TOP1: variants seen among roughly 807,000 people sequenced by gnomAD.
TOP1 encodes the protein DNA topoisomerase 1.
A neutral mutation model predicts 111.1 loss-of-function variants in TOP1; 10 were observed. The observed-to-expected ratio is 0.09, with a 90% CI of 0.06 to 0.15. TOP1 has a LOEUF of 0.15. TOP1 is among the 10% of genes least tolerant of loss of function. TOP1 has a pLI of 1.00. For synonymous variants in TOP1, 271 were observed against 302.9 expected (o/e 0.89, Z 1.10); for missense variants, 474 against 926.7 (o/e 0.51, Z 6.34).
At position 41,101,361 on chromosome 20, in the gene TOP1, G is replaced by A; in HGVS notation, c.1308+8G>A. 1 of 1,613,684 alleles carries A rather than the reference G, an allele frequency of 6.2e-7. No individual in the cohort carries two copies. Among genetic ancestry groups the A allele is most frequent in the East Asian group, 2.2e-5 (1 of 44,856 alleles). ...CCTAGTTCACGAATCAAGGTAAGGG[G>A]ATAGTTGAGAGCTGCACTGGTTCAT... On this transcript the variant is annotated splice_region_variant and intron_variant, in intron 13 of 20. Transcript: ENST00000361337. The surrounding 1 kb of genome is among the most constrained non-coding windows in gnomAD (Gnocchi z 4.1).
Position 41,069,669 on chromosome 20 carries a change from G to C in TOP1, c.156-6502G>C, listed in dbSNP as rs2145931207. Reference sequence around the variant, plus strand: ...ATGATGATAATTACCGCAAAGCCTAGTATAATATCATGCAGATAAATTGGA... The same window carrying C: ...ATGATGATAATTACCGCAAAGCCTACTATAATATCATGCAGATAAATTGGA... On this transcript the variant is annotated intron_variant, in intron 3 of 20. Transcript: ENST00000361337. This position sits in a 1 kb window ranked among gnomAD's most constrained non-coding sequence, Gnocchi z 4.1. Among the ~76,000 whole-genome samples the C allele has an allele frequency of 6.6e-6, 1 of 152,332 alleles. No individual in the cohort carries two copies. Among genetic ancestry groups the C allele is most frequent in the Non-Finnish European group, 1.5e-5 (1 of 68,036 alleles).
chr20:41,100,390 G>A lies in TOP1; in HGVS notation c.1163+147G>A, dbSNP rs779335046. 6 of 606,012 alleles carry A rather than the reference G, an allele frequency of 9.9e-6. No homozygotes were observed. Among genetic ancestry groups the A allele is most frequent in the Non-Finnish European group, 1.1e-5 (4 of 367,780 alleles). 37.5% of individuals were successfully genotyped at this position (606,012 alleles called of 1,614,324 possible). On this transcript the variant is annotated intron_variant, in intron 12 of 20. Coordinates refer to ENST00000361337, the MANE Select transcript of TOP1 (RefSeq NM_003286.4). The surrounding 1 kb of genome is among the most constrained non-coding windows in gnomAD (Gnocchi z 4.4). ...GTATTTCATGCGTAGGTCTCCAGAT[G>A]TTTTTGAGGTACAGTTGTCTCCCCT...
Position 41,029,352 on chromosome 20 carries a change from C to T in TOP1, c.34-79C>T, listed in dbSNP as rs545716449. ...TCCTCCCCGGGGGCGCAGGGTGAGC[C>T]AGACCCCGGCCGCGCGCGCTCGCCG... On this transcript the variant is annotated intron_variant, in intron 1 of 20. Coordinates refer to ENST00000361337, the MANE Select transcript of TOP1 (RefSeq NM_003286.4). The surrounding 1 kb of genome is among the most constrained non-coding windows in gnomAD (Gnocchi z 6.1). 1 of 1,350,124 alleles carries T rather than the reference C, an allele frequency of 7.4e-7. No homozygotes were observed. Among genetic ancestry groups the T allele is most frequent in the East Asian group, 2.8e-5 (1 of 35,796 alleles). The allele number at this position is 1,350,124 out of a possible 1,614,324, so 83.6% of individuals were successfully genotyped here.
In TOP1 at chr20:41,094,417, C is replaced by A. The variant is rs2033958328; in HGVS notation, c.730+1830C>A. ...GACTTACCAAGAGCTTTAGGATGCT[C>A]AGCTGGTAAAGCCTCACTTTGAGGT... On this transcript the variant is annotated intron_variant, in intron 9 of 20. Coordinates refer to ENST00000361337, the MANE Select transcript of TOP1 (RefSeq NM_003286.4). This position sits in a 1 kb window ranked among gnomAD's most constrained non-coding sequence, Gnocchi z 4.4. Among the ~76,000 whole-genome samples the A allele has an allele frequency of 6.6e-6, 1 of 152,212 alleles. No homozygotes were observed. The highest frequency in any genetic ancestry group is 2.1e-4 in the South Asian group (1 of 4,832).
rs201939444 is a variant in TOP1, at chr20:41,112,135, G to C, written c.1309-647G>C. Reference sequence around the variant, plus strand: ...AGTTAGAAAATGGTGAATAATTATGGCTGTTCCTGGAAGTCATTGTGTCCT... The same window carrying C: ...AGTTAGAAAATGGTGAATAATTATGCCTGTTCCTGGAAGTCATTGTGTCCT... On this transcript the variant is annotated intron_variant, in intron 13 of 20. Coordinates refer to ENST00000361337, the MANE Select transcript of TOP1 (RefSeq NM_003286.4). This position sits in a 1 kb window ranked among gnomAD's most constrained non-coding sequence, Gnocchi z 5.8. Among the ~76,000 whole-genome samples the C allele has an allele frequency of 2.0e-5, 3 of 152,084 alleles. No homozygotes were observed. The East Asian group carries it at 5.8e-4, about 29-fold the overall frequency.
chr20:41,104,563 G>A (rs1368873746), intron 13 of TOP1, among the ~76,000 whole-genome samples: 1 of 152,206 alleles, frequency 6.6e-6, no homozygotes, highest in Non-Finnish European at 1.5e-5. Flanking sequence ...TTTTATTCCA[G>A]ACAATATCCA....
intron 8 of TOP1, among the ~76,000 whole-genome samples, chr20:41,084,880 A>G (rs1256069900): frequency 6.6e-6 from 1 of 152,220 alleles, no homozygotes; most frequent in Non-Finnish European, 1.5e-5. Context: ...GAAAGGACAG[A>G]TTATTATGTA....
At chr20:41,077,228 A>G (rs1282283624) in intron 4 of TOP1, among the ~76,000 whole-genome samples, 1 of 152,016 alleles carries the variant, frequency 6.6e-6, no homozygotes, top group Admixed American at 6.6e-5. Context: ...CCCAGTTTAT[A>G]TGTTTTGTTT....
rs531539460 is a variant in TOP1, at chr20:41,030,704, T to A, written c.58+1249T>A. Among the ~76,000 whole-genome samples, 39 of 152,304 alleles carry A rather than the reference T, an allele frequency of 2.6e-4. No homozygotes were observed. The highest frequency in any genetic ancestry group is 2.3e-3 in the Admixed American group (35 of 15,296). ...ATAATCCTGCTCAATTGAGTTTGGG[T>A]TCCGGGAACCTCTCCAATGGGAGAA... On this transcript the variant is annotated intron_variant, in intron 2 of 20. Transcript: ENST00000361337. This position sits in a 1 kb window ranked among gnomAD's most constrained non-coding sequence, Gnocchi z 4.1.
At position 41,058,369 on chromosome 20, in the gene TOP1, G is replaced by A. The variant is rs1006013262; in HGVS notation, c.59-3025G>A. 3.9e-5 allele frequency among the ~76,000 whole-genome samples: 6 copies of A among 152,184 alleles called. No individual in the cohort carries two copies. Among genetic ancestry groups the A allele is most frequent in the Non-Finnish European group, 7.3e-5 (5 of 68,044 alleles). On this transcript the variant is annotated intron_variant, in intron 2 of 20. Transcript: ENST00000361337. This position sits in a 1 kb window ranked among gnomAD's most constrained non-coding sequence, Gnocchi z 4.2. ...CAGGAATCCAGACATAGTTTATCTG[G>A]GTGGCTTTGGCTTACCATCTGTAGA...
At chr20:41,093,854 A>C (rs1485092554) in intron 9 of TOP1, among the ~76,000 whole-genome samples, 2 of 152,178 alleles carry the variant, frequency 1.3e-5, no homozygotes, top group African/African-American at 2.4e-5. Flanking sequence ...CAACTGAAGA[A>C]AGTGCCAAAC....
intron 3 of TOP1, among the ~76,000 whole-genome samples, chr20:41,066,561 T>C (rs1485080689): frequency 7.4e-5 from 11 of 148,722 alleles, no homozygotes; most frequent in African/African-American, 2.5e-4. Flanking sequence ...TCTTTTCTTT[T>C]TTTTTTTTTT....
At chr20:41,119,127 C>T (rs1399269011) in intron 18 of TOP1, among the ~76,000 whole-genome samples, 1 of 152,140 alleles carries the variant, frequency 6.6e-6, no homozygotes, top group Admixed American at 6.5e-5. Context: ...GATGTGCTTC[C>T]TTATTAAGGT....
chr20:41,116,257 C>A lies in TOP1; in HGVS notation c.1708-21C>A, dbSNP rs749464925. On this transcript the variant is annotated intron_variant, in intron 16 of 20. Coordinates refer to ENST00000361337, the MANE Select transcript of TOP1 (RefSeq NM_003286.4). The surrounding 1 kb of genome is among the most constrained non-coding windows in gnomAD (Gnocchi z 5.6). ...CAGGTAGTATAGCTTTGACCTAAAT[C>A]TGTTGCTTTGTCTCCTCCAGACTGG... is the stretch of plus-strand genomic sequence containing the variant. 1 of 1,559,518 alleles carries A rather than the reference C, an allele frequency of 6.4e-7. No homozygotes were observed. Among genetic ancestry groups the A allele is most frequent in the Admixed American group, 1.7e-5 (1 of 59,930 alleles).
At chr20:41,113,807 C>T (rs553617744) in intron 14 of TOP1, among the ~76,000 whole-genome samples, 163 bp from the exon 15 acceptor site, 3 of 148,702 alleles carry the variant, frequency 2.0e-5, no homozygotes, top group South Asian at 2.1e-4. Flanking sequence ...GGCATGAACC[C>T]GGGAGACGGA....
In TOP1 at chr20:41,122,975, T is replaced by G. The variant is rs1021222214; in HGVS notation, c.2196-220T>G. On this transcript the variant is annotated intron_variant, in intron 20 of 20. Transcript: ENST00000361337. This position sits in a 1 kb window ranked among gnomAD's most constrained non-coding sequence, Gnocchi z 5.4. ...TCTCTGCCTCAGTTTCATCTGTACG[T>G]TTTTCACTTGTACATCTGCAGAAGC... Among the ~76,000 whole-genome samples the G allele has an allele frequency of 4.6e-5, 7 of 152,190 alleles. No homozygotes were observed. Among genetic ancestry groups the G allele is most frequent in the Non-Finnish European group, 7.3e-5 (5 of 68,038 alleles).
chr20:41,084,493 A>C lies in TOP1; in HGVS notation c.539A>C (p.Asp180Ala). ...AAATTGAAAAAACCCAAGAATAAAG[A>C]TAAAGATAAAAAAGTTCCTGAGCCA... The part of the protein sequence containing the change: ...DGKLKKPKNK[D>A]KDKKVPEPDN... Residue 180 changes from aspartate (D) to alanine (A), a missense_variant, in exon 8 of 21, where the codon GAT becomes GCT. Around this residue, in one of 14 missense-constraint regions of TOP1, gnomAD observed 185 missense variants for 226.3 expected, o/e 0.82. Transcript: ENST00000361337. 6.4e-7 allele frequency: 1 copy of C among 1,573,820 alleles called. No individual in the cohort carries two copies. Among genetic ancestry groups the C allele is most frequent in the South Asian group, 1.2e-5 (1 of 85,106 alleles).
At chr20:41,040,439 A>G (rs80125103) in intron 2 of TOP1, among the ~76,000 whole-genome samples, 4,597 of 152,244 alleles carry the variant, frequency 0.03, 106 homozygotes, top group Non-Finnish European at 0.038. Flanking sequence ...CTCAGGATCT[A>G]TTTCTTAATT....
chr20:41,073,845 A>C (rs192513737), intron 3 of TOP1, among the ~76,000 whole-genome samples: 5 of 152,050 alleles, frequency 3.3e-5, no homozygotes, highest in Admixed American at 6.6e-5. Context: ...CCCCTCCCCC[A>C]CTATAGTTGG....
Sources: gnomAD v4.1 joint callset for allele counts (sites outside exome capture counted in the v4.1 genomes callset) on GRCh38, gnomAD v4.1.1 for gene constraint, gnomAD v4.1.1 regional missense constraint, Gnocchi (gnomAD v3.1) non-coding constraint, MANE v1.5 for transcripts, NCBI Gene and HGNC (gene_info 2026-07-23, HGNC 2026-07-21) for gene names.